CDH12: variants seen among roughly 807,000 people sequenced by gnomAD.
CDH12 encodes cadherin-12.
CDH12 carries 41 observed loss-of-function variants against 74.1 expected under a neutral mutation model. That is an observed-to-expected ratio of 0.55 (90% CI 0.43 to 0.72). CDH12 has a LOEUF of 0.72. Among genes scored for constraint, CDH12 ranks in the 30% least tolerant of loss-of-function variants. The pLI is 0.00. For missense variants in CDH12, 945 were observed against 977.2 expected, an observed-to-expected ratio of 0.97 and a Z score of 0.44; for synonymous variants, 399 against 355.0, an observed-to-expected ratio of 1.12 and a Z score of -1.39.
chr5:22,293,160 C>T (rs1456687064), intron 3 of CDH12, among the ~76,000 whole-genome samples: 4 of 152,114 alleles, frequency 2.6e-5, no homozygotes, highest in African/African-American at 9.7e-5. Flanking sequence ...TAGCCCCTAC[C>T]CCTGCTCCAT....
rs1274673539 is a variant in CDH12 at position 22,098,091 on chromosome 5, A to G, written c.-186-19229T>C. On this transcript the variant is annotated intron_variant, in intron 4 of 14. Coordinates refer to ENST00000382254, the MANE Select transcript of CDH12 (RefSeq NM_004061.5). ...CATTATTCTGTTCTAGATCTCAAAC[A>G]TGCTTCCTTTACTATTCCTTTGCAC... Among the ~76,000 whole-genome samples the G allele has an allele frequency of 3.9e-5, 6 of 152,236 alleles. No individual in the cohort carries two copies. In the East Asian group the frequency reaches 5.8e-4, roughly 15 times the overall value.
At chr5:22,211,646 A>T (rs1751549711) in intron 4 of CDH12, among the ~76,000 whole-genome samples, 1 of 151,954 alleles carries the variant, frequency 6.6e-6, no homozygotes, top group Admixed American at 6.6e-5. Flanking sequence ...AAAATGGGTA[A>T]AAAAGAATTA....
At chr5:22,358,291 C>T (rs1200040618) in intron 3 of CDH12, among the ~76,000 whole-genome samples, 1 of 146,586 alleles carries the variant, frequency 6.8e-6, no homozygotes, top group Non-Finnish European at 1.5e-5. Flanking sequence ...AACCTATAAT[C>T]CCAGATATTC....
intron 1 of CDH12, among the ~76,000 whole-genome samples, chr5:22,726,814 T>A (rs1323718197): frequency 6.6e-6 from 1 of 151,846 alleles, no homozygotes; most frequent in African/African-American, 2.4e-5. Flanking sequence ...CAGACCTTCA[T>A]TATAGAAGTA....
chr5:21,981,306 A>T, intron 5 of CDH12, among the ~76,000 whole-genome samples: 1 of 152,042 alleles, frequency 6.6e-6, no homozygotes, highest in Middle Eastern at 3.4e-3. Flanking sequence ...TTATTATGAA[A>T]TTTTCAAATT....
At chr5:22,294,847 GA>G (rs1334624665) in intron 3 of CDH12, among the ~76,000 whole-genome samples, 2 of 152,090 alleles carry the variant, frequency 1.3e-5, no homozygotes, top group Non-Finnish European at 1.5e-5. Flanking sequence ...CTGCTTCTTT[GA>G]GCTATTAATC....
At chr5:21,946,529 A>C (rs1043415014) in intron 6 of CDH12, among the ~76,000 whole-genome samples, 1 of 150,120 alleles carries the variant, frequency 6.7e-6, no homozygotes, top group African/African-American at 2.4e-5. Flanking sequence ...CACTTCACTC[A>C]AAGAGGTAAA....
At chr5:22,482,036 A>G (rs557604969) in intron 2 of CDH12, among the ~76,000 whole-genome samples, 1 of 152,326 alleles carries the variant, frequency 6.6e-6, no homozygotes, top group East Asian at 1.9e-4. Flanking sequence ...GACTGAAGGC[A>G]AAAGAAAGAA....
At chr5:22,764,843 A>T (rs1461585092) in intron 1 of CDH12, among the ~76,000 whole-genome samples, 1 of 152,004 alleles carries the variant, frequency 6.6e-6, no homozygotes, top group Non-Finnish European at 1.5e-5. Context: ...CAAAAATATC[A>T]AGATCATGAA....
chr5:22,137,354 T>G (rs562298262), intron 4 of CDH12, among the ~76,000 whole-genome samples: 16 of 152,172 alleles, frequency 1.1e-4, no homozygotes, highest in Non-Finnish European at 1.9e-4. Context: ...ATTGGCATAA[T>G]TCTACATCTC....
At chr5:22,590,216 T>A (rs1740633842) in intron 1 of CDH12, among the ~76,000 whole-genome samples, 1 of 152,160 alleles carries the variant, frequency 6.6e-6, no homozygotes. Context: ...GAATAGGCCA[T>A]CTCGTTAAAT....
At chr5:22,250,497 C>G (rs1753100685) in intron 3 of CDH12, among the ~76,000 whole-genome samples, 1 of 152,098 alleles carries the variant, frequency 6.6e-6, no homozygotes, top group South Asian at 2.1e-4. Flanking sequence ...TTAGAAGTCA[C>G]GCAGCATCAA....
At chr5:22,765,529 G>T (rs1244786052) in intron 1 of CDH12, among the ~76,000 whole-genome samples, 1 of 151,936 alleles carries the variant, frequency 6.6e-6, no homozygotes, top group Non-Finnish European at 1.5e-5. Context: ...GTATCTTCCA[G>T]TATAGATTAT....
intron 3 of CDH12, among the ~76,000 whole-genome samples, chr5:22,360,066 G>A (rs1740733410): frequency 2.0e-5 from 3 of 152,052 alleles, no homozygotes; most frequent in Middle Eastern, 3.2e-3. Flanking sequence ...CAGAAGGCAA[G>A]AAATAACTAA....
In CDH12 at chr5:21,751,707, C is replaced by T. The variant is rs1350328957; in HGVS notation, c.*30G>A. On this transcript the variant is annotated 3_prime_UTR_variant, in exon 15 of 15. Transcript: ENST00000382254. ...TTTTTCTTTTTTAAAAATCTCCCCTCTCGGTTGTATTTTAGCCTCCACGAC... is the reference window on the plus strand; with the variant it reads ...TTTTTCTTTTTTAAAAATCTCCCCTTTCGGTTGTATTTTAGCCTCCACGAC... The T allele has an allele frequency of 5.8e-6, 9 of 1,561,572 alleles. No individual in the cohort carries two copies. Among genetic ancestry groups the T allele is most frequent in the Non-Finnish European group, 7.8e-6 (9 of 1,157,614 alleles).
At chr5:22,823,656 A>G (rs1749847344) in intron 1 of CDH12, among the ~76,000 whole-genome samples, 1 of 152,096 alleles carries the variant, frequency 6.6e-6, no homozygotes, top group Non-Finnish European at 1.5e-5. Flanking sequence ...CCAAGTGTTG[A>G]GAAAGGGACC....
intron 3 of CDH12, among the ~76,000 whole-genome samples, chr5:22,377,102 A>G (rs146066560): frequency 3.7e-4 from 56 of 152,204 alleles, no homozygotes; most frequent in African/African-American, 1.3e-3. Context: ...AATCATAGAT[A>G]GGTGTATGAT....
chr5:22,638,519 T>C (rs577774754), intron 1 of CDH12, among the ~76,000 whole-genome samples: 1 of 152,250 alleles, frequency 6.6e-6, no homozygotes, highest in South Asian at 2.1e-4. Flanking sequence ...GCTGATTATA[T>C]GGTGCCCACC....
chr5:22,478,417 C>CAAAAAAA (rs34576542), intron 2 of CDH12, among the ~76,000 whole-genome samples: 6 of 88,392 alleles, frequency 6.8e-5, no homozygotes, highest in African/African-American at 1.4e-4. Context: ...GACTCCGTCT[C>CAAAAAAA]AAAAAAAAAA....
Sources: allele counts gnomAD v4.1 joint callset (sites outside exome capture counted in the v4.1 genomes callset), GRCh38; gene constraint gnomAD v4.1.1; transcripts MANE v1.5; gene names NCBI Gene and HGNC (gene_info 2026-07-23, HGNC 2026-07-21).